Variants in CCSAP observed in about 807,000 individuals in gnomAD.
CCSAP encodes centriole, cilia and spindle associated protein, also known as centriole, cilia and spindle-associated protein.
A neutral mutation model predicts 25.9 loss-of-function variants in CCSAP; 17 were observed. The ratio of observed to expected loss-of-function variants is 0.66; its 90% CI spans 0.45 to 0.99. The LOEUF (loss-of-function observed/expected upper bound fraction) is 0.99. CCSAP is among the 50% of genes least tolerant of loss of function. The pLI, the probability that CCSAP is intolerant of heterozygous loss-of-function variation, is 0.00. For missense variants in CCSAP, 339 were observed against 367.8 expected (o/e 0.92, Z 0.64); for synonymous variants, 169 against 157.1 (o/e 1.08, Z -0.57).
intron 2 of CCSAP, among the ~76,000 whole-genome samples, chr1:229,330,816 G>A (rs1658050647): frequency 6.7e-6 from 1 of 148,260 alleles, no homozygotes; most frequent in African/African-American, 2.5e-5. Flanking sequence ...CTGCACTCCA[G>A]CCTGGGCAAC....
chr1:229,323,587 C>T lies in CCSAP; in HGVS notation c.*1648G>A, dbSNP rs1031606659. 6.6e-6 allele frequency: 1 copy of T among 152,198 alleles called. No homozygotes were observed. Among genetic ancestry groups the T allele is most frequent in the African/African-American group, 2.4e-5 (1 of 41,448 alleles). The allele number at this position is 152,198 out of a possible 1,614,324, so 9.4% of individuals were successfully genotyped here. A position where few individuals can be genotyped will look rare whatever the true frequency, so the allele number is the denominator to read the frequency against. ...AGTTAATACCAAAATTCACCAGTTA[C>T]TAGCAAGGCTGTTTTGGACAACATG... On this transcript the variant is annotated 3_prime_UTR_variant, in exon 4 of 4. Coordinates refer to ENST00000284617, the MANE Select transcript of CCSAP (RefSeq NM_145257.5).
chr1:229,333,431 G>C lies in CCSAP; in HGVS notation c.368-6425C>G, dbSNP rs1390536859. 5.5e-4 allele frequency among the ~76,000 whole-genome samples: 39 copies of C among 70,498 alleles called. 1 individual carries two copies. Among genetic ancestry groups the C allele is most frequent in the Admixed American group, 4.1e-3 (22 of 5,328 alleles). 46.2% of individuals were successfully genotyped at this position (70,498 alleles called of 152,430 possible). A position where few individuals can be genotyped will look rare whatever the true frequency, so the allele number is the denominator to read the frequency against. On this transcript the variant is annotated intron_variant, in intron 2 of 3. Coordinates refer to ENST00000284617, the MANE Select transcript of CCSAP (RefSeq NM_145257.5). ...CTGGGCGACAGAGCGAGACTCCATC[G>C]AAAAAAAAAAAAAAAAAAAAAATTT...
chr1:229,324,988 A>G lies in CCSAP; in HGVS notation c.*247T>C, dbSNP rs1483964730. 2.9e-5 allele frequency: 11 copies of G among 373,014 alleles called. No individual in the cohort carries two copies. Among genetic ancestry groups the G allele is most frequent in the Non-Finnish European group, 4.8e-5 (10 of 207,474 alleles). 23.1% of individuals were successfully genotyped at this position (373,014 alleles called of 1,614,324 possible). ...TTTAAAACAAAAACCTTATAAGAAT[A>G]TCAAAGATTTAGGGAATTATCTTCA... On this transcript the variant is annotated 3_prime_UTR_variant, in exon 4 of 4. Transcript: ENST00000284617.
At chr1:229,337,409 T>G (rs1157210089) in intron 2 of CCSAP, among the ~76,000 whole-genome samples, 1 of 151,926 alleles carries the variant, frequency 6.6e-6, no homozygotes, top group Non-Finnish European at 1.5e-5. Flanking sequence ...TAATCTACCT[T>G]GCCAAAATAT....
At chr1:229,340,403 G>T in intron 2 of CCSAP, 1 of 716,918 alleles carries the variant, frequency 1.4e-6, no homozygotes, top group Non-Finnish European at 2.6e-6. Flanking sequence ...GAGCTTACCT[G>T]AGCTGGTAAA....
chr1:229,334,369 T>C (rs1658147788), intron 2 of CCSAP, among the ~76,000 whole-genome samples: 1 of 152,128 alleles, frequency 6.6e-6, no homozygotes, highest in South Asian at 2.1e-4. Flanking sequence ...TTTGTGACTA[T>C]TTTAAAAAAT....
In CCSAP at chr1:229,321,417, GCA is replaced by G. The variant is rs1259095400; in HGVS notation, c.*3816_*3817del. The G allele has an allele frequency of 6.6e-6, 1 of 152,154 alleles. No individual in the cohort carries two copies. The highest frequency in any genetic ancestry group is 1.5e-5 in the Non-Finnish European group (1 of 68,020). The allele number at this position is 152,154 out of a possible 1,614,324, so 9.4% of individuals were successfully genotyped here. A position where few individuals can be genotyped will look rare whatever the true frequency, so the allele number is the denominator to read the frequency against. On this transcript the variant is annotated 3_prime_UTR_variant, in exon 4 of 4. Transcript: ENST00000284617. The stretch of plus-strand genomic sequence containing the variant: ...CTCCTTGCATAGGGTTTGATATTAA[GCA>G]CACACTTGCACTGAATAACTCCATA...
chr1:229,342,620 T>G lies in CCSAP; in HGVS notation c.-48-107A>C, dbSNP rs1258666292. ...CGCCCGGACGGGAGCAGGGGGCGGGTCCCGGCGAGGGCGGGGAGGGGGCGG... is the reference window on the plus strand; with the variant it reads ...CGCCCGGACGGGAGCAGGGGGCGGGGCCCGGCGAGGGCGGGGAGGGGGCGG... On this transcript the variant is annotated intron_variant, in intron 1 of 3. Transcript: ENST00000284617. This position sits in a 1 kb window ranked among gnomAD's most constrained non-coding sequence, Gnocchi z 7.5. The G allele has an allele frequency of 2.3e-6, 1 of 428,416 alleles. No homozygotes were observed. Among genetic ancestry groups the G allele is most frequent in the Non-Finnish European group, 3.8e-6 (1 of 264,462 alleles). The allele number at this position is 428,416 out of a possible 1,614,324, so 26.5% of individuals were successfully genotyped here. A position where few individuals can be genotyped will look rare whatever the true frequency, so the allele number is the denominator to read the frequency against.
intron 2 of CCSAP, chr1:229,327,388 G>A (rs1242955378): frequency 1.6e-5 from 6 of 378,248 alleles, no homozygotes; most frequent in Non-Finnish European, 2.6e-5. Flanking sequence ...ATCTGGATTT[G>A]TGGTCATCCT....
intron 2 of CCSAP, among the ~76,000 whole-genome samples, chr1:229,336,238 A>G (rs576804809): frequency 4.6e-5 from 7 of 151,226 alleles, no homozygotes; most frequent in Non-Finnish European, 8.8e-5. Flanking sequence ...TGACACTTCT[A>G]TATTCTTTCC....
chr1:229,330,617 C>A (rs763571414), intron 2 of CCSAP, among the ~76,000 whole-genome samples: 15 of 152,026 alleles, frequency 9.9e-5, no homozygotes, highest in African/African-American at 3.6e-4. Context: ...CCGAGGCGGG[C>A]GGATCACGAG....
Position 229,323,077 on chromosome 1 carries a change from A to C in CCSAP, c.*2158T>G, listed in dbSNP as rs1657864396. The C allele has an allele frequency of 6.6e-6, 1 of 152,222 alleles. No homozygotes were observed. Among genetic ancestry groups the C allele is most frequent in the Non-Finnish European group, 1.5e-5 (1 of 68,038 alleles). The allele number at this position is 152,222 out of a possible 1,614,324, so 9.4% of individuals were successfully genotyped here. A position where few individuals can be genotyped will look rare whatever the true frequency, so the allele number is the denominator to read the frequency against. On this transcript the variant is annotated 3_prime_UTR_variant, in exon 4 of 4. Transcript: ENST00000284617. ...AGGTAATTGACACTCTTTAAAAAAG[A>C]AAGAAAAGAAACCCTAACCAACTAA...
chr1:229,335,268 T>TA (rs150674513), intron 2 of CCSAP, among the ~76,000 whole-genome samples: 1 of 152,078 alleles, frequency 6.6e-6, no homozygotes, highest in East Asian at 1.9e-4. Context: ...ACAGAGAGCT[T>TA]AGATCATGCC....
At chr1:229,331,413 ACT>A (rs1439897788) in intron 2 of CCSAP, among the ~76,000 whole-genome samples, 1 of 152,030 alleles carries the variant, frequency 6.6e-6, no homozygotes, top group Non-Finnish European at 1.5e-5. Flanking sequence ...TATTTATAAA[ACT>A]CTTTTGTAAA....
intron 2 of CCSAP, among the ~76,000 whole-genome samples, chr1:229,335,555 T>G (rs999574321): frequency 6.6e-6 from 1 of 152,172 alleles, no homozygotes; most frequent in African/African-American, 2.4e-5. Context: ...AGTAATAACT[T>G]CCCCAGTGAA....
Position 229,342,315 on chromosome 1 carries a change from C to T in CCSAP, c.151G>A (p.Asp51Asn). Residue 51 changes from aspartate (D) to asparagine (N), a missense_variant, in exon 2 of 4, where the codon GAC becomes AAC. Asp to Asn is a conservative substitution (Grantham distance 23). Transcript: ENST00000284617. The surrounding 1 kb of genome is among the most constrained non-coding windows in gnomAD (Gnocchi z 7.5). ...TCCGAGGAGCCGGCCGGGCCCCAGT[C>T]GTCCCAGAGCCAGGGCGCGTGCGCC... ...EQAHAPWLWDDWGPAGSSEDS... is the reference protein window; with the variant it reads ...EQAHAPWLWDNWGPAGSSEDS... The T allele has an allele frequency of 6.8e-7, 1 of 1,475,260 alleles. No individual in the cohort carries two copies. The highest frequency in any genetic ancestry group is 9.0e-7 in the Non-Finnish European group (1 of 1,114,622). 91.4% of individuals were successfully genotyped at this position (1,475,260 alleles called of 1,614,324 possible).
At chr1:229,327,712 CA>C (rs1296292318) in intron 2 of CCSAP, among the ~76,000 whole-genome samples, 63 of 144,458 alleles carry the variant, frequency 4.4e-4, no homozygotes, top group South Asian at 2.8e-3. Context: ...TACTAAAATA[CA>C]AAAAAAAAAA....
intron 2 of CCSAP, among the ~76,000 whole-genome samples, chr1:229,330,598 T>G (rs1249880311): frequency 6.6e-6 from 1 of 151,988 alleles, no homozygotes; most frequent in African/African-American, 2.4e-5. Context: ...ATCCCAGCAC[T>G]TTGGGAGGCC....
intron 2 of CCSAP, among the ~76,000 whole-genome samples, chr1:229,337,667 G>C (rs1325681724): frequency 3.2e-5 from 1 of 31,308 alleles, no homozygotes; most frequent in African/African-American, 1.2e-4. Context: ...AAGATCAAAG[G>C]CTCAAAAAAA....
Sources: allele counts gnomAD v4.1 joint callset (sites outside exome capture counted in the v4.1 genomes callset), GRCh38; gene constraint gnomAD v4.1.1; non-coding constraint Gnocchi (gnomAD v3.1); transcripts MANE v1.5; gene names NCBI Gene and HGNC (gene_info 2026-07-23, HGNC 2026-07-21).